The following ERI3 variants were observed in gnomAD, a reference collection of about 807,000 sequenced individuals.
ERI3 encodes ERI1 exoribonuclease 3.
Under a neutral mutation model 44.4 loss-of-function variants are expected in ERI3, and 18 were observed. That is an observed-to-expected ratio of 0.41 (90% CI 0.28 to 0.60). ERI3 has a LOEUF of 0.60. ERI3 is among the 20% of genes least tolerant of loss of function. ERI3 has a pLI of 0.36. For synonymous variants in ERI3, 183 were observed against 164.8 expected (o/e 1.11, Z -0.84); for missense variants, 294 against 435.5 (o/e 0.68, Z 2.89).
chr1:44,247,866 G>T, intron 8 of ERI3, 73 bp downstream of exon 8: 1 of 1,220,342 alleles, frequency 8.2e-7, no homozygotes, highest in Non-Finnish European at 1.2e-6. Flanking sequence ...AACTCTCTAT[G>T]TGCCTGGGGA....
intron 7 of ERI3, among the ~76,000 whole-genome samples, chr1:44,248,543 T>C (rs1363767384): frequency 2.0e-5 from 3 of 152,132 alleles, no homozygotes; most frequent in Non-Finnish European, 2.9e-5. Flanking sequence ...CAAGGTGCCA[T>C]GGTCAAGGTG....
At chr1:44,222,510 A>G (rs770777221) in intron 8 of ERI3, among the ~76,000 whole-genome samples, 16 of 152,164 alleles carry the variant, frequency 1.1e-4, no homozygotes, top group Non-Finnish European at 1.5e-4. Flanking sequence ...GATGCTTTCA[A>G]CTGTCCTAGA....
At chr1:44,306,739 G>A (rs1255885395) in intron 6 of ERI3, among the ~76,000 whole-genome samples, 1 of 152,242 alleles carries the variant, frequency 6.6e-6, no homozygotes, top group Non-Finnish European at 1.5e-5. Flanking sequence ...TCTGTGTTTG[G>A]AAGGTGAAGA....
In ERI3 at chr1:44,221,534, C is replaced by G; in HGVS notation, c.*24G>C. On this transcript the variant is annotated 3_prime_UTR_variant, in exon 9 of 9. Transcript: ENST00000372257. This position sits in a 1 kb window ranked among gnomAD's most constrained non-coding sequence, Gnocchi z 5.9. ...GGCTGGGCCAAACAGCTACCCTGTC[C>G]TGCCCCATCCTGTCCTCGGCCAATC... 1 of 1,602,392 alleles carries G rather than the reference C, an allele frequency of 6.2e-7. No homozygotes were observed. Among genetic ancestry groups the G allele is most frequent in the Non-Finnish European group, 8.6e-7 (1 of 1,169,466 alleles).
intron 8 of ERI3, among the ~76,000 whole-genome samples, chr1:44,225,869 T>C (rs1374008710): frequency 6.6e-6 from 1 of 152,160 alleles, no homozygotes; most frequent in African/African-American, 2.4e-5. Context: ...CATATACTCA[T>C]TCATTCAGCA....
At chr1:44,316,766 GT>G (rs141711439) in intron 4 of ERI3, among the ~76,000 whole-genome samples, 9 of 151,324 alleles carry the variant, frequency 5.9e-5, no homozygotes, top group Non-Finnish European at 1.3e-4. Context: ...TATTTCTCTA[GT>G]TTTTTTTTCA....
chr1:44,313,088 C>A (rs924349478), intron 5 of ERI3, 81 bp downstream of exon 5: 1 of 1,201,042 alleles, frequency 8.3e-7, no homozygotes, highest in Admixed American at 1.7e-5. Flanking sequence ...TCAAATTACA[C>A]GGCTACATTC....
intron 8 of ERI3, among the ~76,000 whole-genome samples, chr1:44,223,847 C>T (rs1204470044): frequency 6.6e-6 from 1 of 152,178 alleles, no homozygotes; most frequent in Non-Finnish European, 1.5e-5. Flanking sequence ...TCATCTAAAT[C>T]GTGAGTTTCA....
chr1:44,310,955 GCGCGCGCGCACACACACACACACA>G (rs1645948987), intron 5 of ERI3, among the ~76,000 whole-genome samples: 3 of 72,410 alleles, frequency 4.1e-5, no homozygotes, highest in Non-Finnish European at 8.1e-5. Flanking sequence ...TGCACATCGC[GCGCGCGCGCACACACACACACACA>G]CACACACACA....
chr1:44,295,055 A>G (rs1645582259), intron 6 of ERI3, among the ~76,000 whole-genome samples: 1 of 152,172 alleles, frequency 6.6e-6, no homozygotes, highest in Non-Finnish European at 1.5e-5. Flanking sequence ...GACACCTTCA[A>G]GAGGTATAAG....
chr1:44,231,316 A>C (rs1427932352), intron 8 of ERI3, among the ~76,000 whole-genome samples: 1 of 151,882 alleles, frequency 6.6e-6, no homozygotes, highest in Non-Finnish European at 1.5e-5. Context: ...GAAACCTTAA[A>C]ATTTATACCC....
chr1:44,247,265 C>G (rs1644573924), intron 8 of ERI3, among the ~76,000 whole-genome samples: 1 of 152,166 alleles, frequency 6.6e-6, no homozygotes, highest in Admixed American at 6.5e-5. Flanking sequence ...CAGATACAGA[C>G]AGATAACATA....
intron 8 of ERI3, among the ~76,000 whole-genome samples, chr1:44,224,104 A>G (rs1464646534): frequency 6.6e-6 from 1 of 152,114 alleles, no homozygotes; most frequent in Non-Finnish European, 1.5e-5. Context: ...CTCCAAATCT[A>G]ATCAAGTATG....
intron 8 of ERI3, among the ~76,000 whole-genome samples, chr1:44,231,227 C>T (rs924816614): frequency 1.3e-5 from 2 of 152,108 alleles, no homozygotes; most frequent in Admixed American, 1.3e-4. Context: ...CAAAAAGTTT[C>T]GAATTTTGGA....
At chr1:44,253,076 T>C (rs1328381749) in intron 7 of ERI3, among the ~76,000 whole-genome samples, 1 of 152,222 alleles carries the variant, frequency 6.6e-6, no homozygotes, top group Non-Finnish European at 1.5e-5. Flanking sequence ...GTGATGGTGA[T>C]ACTCCAGAGG....
chr1:44,309,864 C>T (rs1055415246), intron 5 of ERI3, among the ~76,000 whole-genome samples: 1 of 150,264 alleles, frequency 6.7e-6, no homozygotes, highest in African/African-American at 2.4e-5. Flanking sequence ...CACCCGGCCA[C>T]GAGATTATTT....
At chr1:44,248,344 T>G (rs901954788) in intron 7 of ERI3, among the ~76,000 whole-genome samples, 3 of 152,096 alleles carry the variant, frequency 2.0e-5, no homozygotes, top group African/African-American at 7.2e-5. Context: ...GGAGCCCTCC[T>G]CTCACAAGGG....
intron 3 of ERI3, among the ~76,000 whole-genome samples, chr1:44,321,814 T>A (rs1422905185): frequency 6.6e-6 from 1 of 152,220 alleles, no homozygotes; most frequent in African/African-American, 2.4e-5. Flanking sequence ...ACTGTACTTT[T>A]CATTTAAACT....
intron 5 of ERI3, among the ~76,000 whole-genome samples, chr1:44,312,732 TC>T (rs1054386991): frequency 6.6e-6 from 1 of 152,204 alleles, no homozygotes; most frequent in African/African-American, 2.4e-5. Context: ...ACAAAAGCCA[TC>T]GATGCGGAGT....
Sources: allele counts gnomAD v4.1 joint callset (sites outside exome capture counted in the v4.1 genomes callset), GRCh38; gene constraint gnomAD v4.1.1; non-coding constraint Gnocchi (gnomAD v3.1); transcripts MANE v1.5; gene names NCBI Gene and HGNC (gene_info 2026-07-23, HGNC 2026-07-21).